The following FAF1 variants were observed in gnomAD, a reference collection of about 807,000 sequenced individuals.
FAF1 encodes Fas associated factor 1.
A neutral mutation model predicts 92.5 loss-of-function variants in FAF1; 25 were observed. The ratio of observed to expected loss-of-function variants is 0.27; its 90% CI spans 0.20 to 0.38. The LOEUF (loss-of-function observed/expected upper bound fraction) is 0.38. FAF1 is among the 10% of genes least tolerant of loss of function. The pLI is 1.00. For synonymous variants in FAF1, 234 were observed against 273.2 expected (o/e 0.86, Z 1.42); for missense variants, 636 against 793.3 (o/e 0.80, Z 2.38).
chr1:50,801,325 T>C (rs1188226706), intron 3 of FAF1, among the ~76,000 whole-genome samples: 1 of 152,210 alleles, frequency 6.6e-6, no homozygotes, highest in African/African-American at 2.4e-5. Context: ...CAATAGCCAG[T>C]GCTAATAGTT....
At chr1:50,549,694 G>C (rs1056054953) in intron 13 of FAF1, among the ~76,000 whole-genome samples, 1 of 152,104 alleles carries the variant, frequency 6.6e-6, no homozygotes, top group African/African-American at 2.4e-5. Flanking sequence ...AGAATTGCTT[G>C]AACCGGGGAG....
chr1:50,483,499 A>G (rs1646725857), intron 17 of FAF1, among the ~76,000 whole-genome samples: 2 of 152,310 alleles, frequency 1.3e-5, no homozygotes, highest in Middle Eastern at 3.4e-3. Context: ...CAGTTTATCA[A>G]TCTCTATAGA....
intron 12 of FAF1, among the ~76,000 whole-genome samples, chr1:50,578,370 CTG>C (rs1650848626): frequency 6.6e-6 from 1 of 152,144 alleles, no homozygotes; most frequent in African/African-American, 2.4e-5. Flanking sequence ...CATGAGCAAA[CTG>C]TTTTCTGAAA....
chr1:50,851,608 T>G (rs1476562459), intron 2 of FAF1, among the ~76,000 whole-genome samples: 1 of 152,210 alleles, frequency 6.6e-6, no homozygotes, highest in Non-Finnish European at 1.5e-5. Flanking sequence ...GGCACCAGCG[T>G]GTTCTGCTAG....
intron 6 of FAF1, among the ~76,000 whole-genome samples, chr1:50,727,077 C>T (rs1658692392): frequency 6.6e-6 from 1 of 152,222 alleles, no homozygotes; most frequent in Admixed American, 6.5e-5. Flanking sequence ...TCACTCTGCC[C>T]TTCACTTAGA....
intron 1 of FAF1, among the ~76,000 whole-genome samples, chr1:50,907,951 T>A (rs1644853836): frequency 6.6e-6 from 1 of 152,184 alleles, no homozygotes; most frequent in Non-Finnish European, 1.5e-5. Context: ...CTAGTTCTTT[T>A]AATTGTGATG....
At chr1:50,806,465 C>T (rs935420980) in intron 2 of FAF1, among the ~76,000 whole-genome samples, 2 of 152,108 alleles carry the variant, frequency 1.3e-5, no homozygotes, top group African/African-American at 2.4e-5. Flanking sequence ...CGGAGGCAGC[C>T]GACACCAGTG....
chr1:50,629,036 A>C (rs1653634529), intron 8 of FAF1, among the ~76,000 whole-genome samples: 1 of 152,032 alleles, frequency 6.6e-6, no homozygotes, highest in Admixed American at 6.6e-5. Context: ...TAAATGAGTT[A>C]TTATATGTGT....
chr1:50,816,306 G>A (rs566813166), intron 2 of FAF1, among the ~76,000 whole-genome samples: 2 of 147,256 alleles, frequency 1.4e-5, no homozygotes, highest in Non-Finnish European at 3.0e-5. Context: ...CCGTGTTCAC[G>A]CCATTCTCCT....
At chr1:50,911,705 CT>C (rs1272810926) in intron 1 of FAF1, among the ~76,000 whole-genome samples, 13 of 151,630 alleles carry the variant, frequency 8.6e-5, no homozygotes, top group African/African-American at 3.1e-4. Context: ...TCCAAAAAAA[CT>C]ATTTCTCCCA....
At chr1:50,750,627 T>C (rs1288278439) in intron 4 of FAF1, among the ~76,000 whole-genome samples, 6 of 151,286 alleles carry the variant, frequency 4.0e-5, no homozygotes, top group Non-Finnish European at 5.9e-5. Context: ...CTTTTCTTTT[T>C]TTTTTTTTTT....
At chr1:50,874,762 T>C (rs1008674658) in intron 1 of FAF1, among the ~76,000 whole-genome samples, 16 of 114,200 alleles carry the variant, frequency 1.4e-4, no homozygotes, top group Non-Finnish European at 2.6e-4. Flanking sequence ...TTCTTTCTTT[T>C]TTTTTTTTTT....
chr1:50,587,933 T>C (rs1053455049), intron 9 of FAF1, among the ~76,000 whole-genome samples: 3 of 152,220 alleles, frequency 2.0e-5, no homozygotes, highest in African/African-American at 7.2e-5. Context: ...ATAATTGAAA[T>C]AGATGTTCCT....
At chr1:50,860,234 C>G (rs1390950703) in intron 1 of FAF1, among the ~76,000 whole-genome samples, 1 of 151,842 alleles carries the variant, frequency 6.6e-6, no homozygotes, top group Non-Finnish European at 1.5e-5. Context: ...TCAACTGCAA[C>G]CAAAACCAAA....
chr1:50,594,473 C>G (rs1431616396), intron 9 of FAF1, among the ~76,000 whole-genome samples: 1 of 152,108 alleles, frequency 6.6e-6, no homozygotes, highest in Non-Finnish European at 1.5e-5. Context: ...CATCCATGCT[C>G]TCTTTCCCAT....
intron 2 of FAF1, among the ~76,000 whole-genome samples, chr1:50,820,940 G>C (rs1412322895): frequency 6.6e-6 from 1 of 152,126 alleles, no homozygotes; most frequent in African/African-American, 2.4e-5. Context: ...TAGCTAATGT[G>C]AATAATGTTG....
intron 1 of FAF1, among the ~76,000 whole-genome samples, chr1:50,873,093 A>G (rs1644541859): frequency 6.6e-6 from 1 of 152,176 alleles, no homozygotes; most frequent in Non-Finnish European, 1.5e-5. Context: ...TTCACCAGCA[A>G]AAAGATTAAT....
intron 5 of FAF1, among the ~76,000 whole-genome samples, chr1:50,739,208 AGTTT>A (rs1233722810): frequency 4.0e-5 from 6 of 151,882 alleles, no homozygotes; most frequent in Non-Finnish European, 7.4e-5. Flanking sequence ...GGTTTATGCT[AGTTT>A]ATTTTATATA....
At chr1:50,807,057 G>A (rs909560003) in intron 2 of FAF1, among the ~76,000 whole-genome samples, 6 of 152,116 alleles carry the variant, frequency 3.9e-5, no homozygotes, top group Non-Finnish European at 5.9e-5. Flanking sequence ...TGGCTGAAAC[G>A]AAAGAAACAG....
Sources: gnomAD v4.1 joint callset for allele counts (sites outside exome capture counted in the v4.1 genomes callset) on GRCh38, gnomAD v4.1.1 for gene constraint, MANE v1.5 for transcripts, NCBI Gene and HGNC (gene_info 2026-07-23, HGNC 2026-07-21) for gene names.